PAG1: variants seen among roughly 807,000 people sequenced by gnomAD.
PAG1 encodes the protein phosphoprotein associated with glycosphingolipid-enriched microdomains 1.
A neutral mutation model predicts 31.7 loss-of-function variants in PAG1; 23 were observed. That is an observed-to-expected ratio of 0.73 (90% confidence interval 0.52 to 1.03). The LOEUF (loss-of-function observed/expected upper bound fraction) is 1.03, where lower values mean the gene tolerates loss of function less well. Ranked by LOEUF, PAG1 falls within the 50% of genes least tolerant of loss-of-function variation. The probability of loss-of-function intolerance (pLI) is 0.00; values close to 1 mark genes in which losing one functional copy is unlikely to be tolerated. For synonymous variants in PAG1, 214 were observed against 210.3 expected (o/e 1.02, Z -0.15); for missense variants, 473 against 540.7 (o/e 0.87, Z 1.24).
chr8:80,985,394 A>G lies in PAG1; in HGVS notation c.275-17T>C. 3.2e-6 allele frequency: 5 copies of G among 1,577,672 alleles called. No homozygotes were observed. Among genetic ancestry groups the G allele is most frequent in the Non-Finnish European group, 4.3e-6 (5 of 1,158,798 alleles). On this transcript the variant is annotated splice_polypyrimidine_tract_variant and intron_variant, in intron 6 of 8. Coordinates refer to ENST00000220597, the MANE Select transcript of PAG1 (RefSeq NM_018440.4). ...CTGAAAGAACTAAAGCAGCACACAC[A>G]TTAAAAGCGGAGAAAGGCAAGTCTT...
chr8:81,031,962 G>A (rs564872873), intron 2 of PAG1, among the ~76,000 whole-genome samples: 88 of 152,260 alleles, frequency 5.8e-4, no homozygotes, highest in African/African-American at 2.0e-3. Flanking sequence ...ACTATTCAAC[G>A]GGGAAAGAAC....
At chr8:80,981,579 G>A (rs1169903492) in intron 7 of PAG1, among the ~76,000 whole-genome samples, 1 of 152,100 alleles carries the variant, frequency 6.6e-6, no homozygotes, top group African/African-American at 2.4e-5. Flanking sequence ...GAAGGAATCA[G>A]AAGAAATTTG....
At chr8:81,064,736 C>T (rs550929584) in intron 2 of PAG1, among the ~76,000 whole-genome samples, 2 of 152,106 alleles carry the variant, frequency 1.3e-5, no homozygotes, top group Non-Finnish European at 2.9e-5. Flanking sequence ...GTAGTTCTTA[C>T]GATCTTCTCA....
At chr8:80,983,055 TAAGCCA>T (rs1640128372) in intron 7 of PAG1, among the ~76,000 whole-genome samples, 1 of 152,208 alleles carries the variant, frequency 6.6e-6, no homozygotes, top group Non-Finnish European at 1.5e-5. Context: ...GTTCAGACTA[TAAGCCA>T]AGGCCATCCA....
At chr8:80,982,163 G>A (rs1807320398) in intron 7 of PAG1, among the ~76,000 whole-genome samples, 1 of 152,114 alleles carries the variant, frequency 6.6e-6, no homozygotes, top group Admixed American at 6.6e-5. Context: ...ACTGCGCCCA[G>A]CCTGTCTCAC....
At chr8:81,085,945 C>A (rs1809344102) in intron 1 of PAG1, among the ~76,000 whole-genome samples, 1 of 142,668 alleles carries the variant, frequency 7.0e-6, no homozygotes, top group African/African-American at 2.6e-5. Flanking sequence ...ATTCTTCTAG[C>A]AAGTAGTTAC....
chr8:81,030,772 C>T (rs1808366482), intron 2 of PAG1, among the ~76,000 whole-genome samples: 1 of 152,234 alleles, frequency 6.6e-6, no homozygotes, highest in Non-Finnish European at 1.5e-5. Flanking sequence ...CTCCTGCCCC[C>T]TTCCTCTCTA....
chr8:81,055,703 TA>T (rs1382472014), intron 2 of PAG1, among the ~76,000 whole-genome samples: 9 of 152,290 alleles, frequency 5.9e-5, no homozygotes, highest in Non-Finnish European at 1.3e-4. Context: ...CTAGGTATTT[TA>T]TTCTCTTTGA....
chr8:81,025,575 G>A (rs1055377105), intron 3 of PAG1, among the ~76,000 whole-genome samples: 2 of 152,110 alleles, frequency 1.3e-5, no homozygotes, highest in African/African-American at 2.4e-5. Flanking sequence ...CTACACCACC[G>A]TGCCCAGGGC....
At chr8:81,095,800 G>A (rs1322578053) in intron 1 of PAG1, among the ~76,000 whole-genome samples, 1 of 152,178 alleles carries the variant, frequency 6.6e-6, no homozygotes, top group African/African-American at 2.4e-5. Context: ...GCCAGCCTTG[G>A]CAAGGTTCTC....
Position 81,104,318 on chromosome 8 carries a change from A to G in PAG1, c.-234+7273T>C, listed in dbSNP as rs1026711899. Reference sequence around the variant, plus strand: ...GCCACTTTGTGTCCAAGCACTTGTCAAAAACTTCTCTTGCTTAATCTTACT... The same window carrying G: ...GCCACTTTGTGTCCAAGCACTTGTCGAAAACTTCTCTTGCTTAATCTTACT... On this transcript the variant is annotated intron_variant, in intron 1 of 8. Transcript: ENST00000220597. Among the ~76,000 whole-genome samples, 3 of 151,798 alleles carry G rather than the reference A, an allele frequency of 2.0e-5. No homozygotes were observed. In the East Asian group the frequency reaches 5.8e-4, roughly 29 times the overall value.
intron 2 of PAG1, among the ~76,000 whole-genome samples, chr8:81,040,057 T>A (rs1808528523): frequency 1.3e-5 from 2 of 152,210 alleles, no homozygotes; most frequent in African/African-American, 4.8e-5. Flanking sequence ...ATATGCTACA[T>A]CACTTATTTT....
chr8:80,984,409 G>C (rs1807371179), intron 7 of PAG1, among the ~76,000 whole-genome samples: 1 of 152,106 alleles, frequency 6.6e-6, no homozygotes, highest in South Asian at 2.1e-4. Flanking sequence ...GAAGGGGAAA[G>C]GTCACCATGC....
intron 1 of PAG1, among the ~76,000 whole-genome samples, chr8:81,080,215 T>C (rs1004509811): frequency 6.6e-6 from 1 of 152,186 alleles, no homozygotes; most frequent in Non-Finnish European, 1.5e-5. Flanking sequence ...GAAGGAGATA[T>C]ATTCTAGTTC....
At chr8:81,105,157 T>C (rs1236985874) in intron 1 of PAG1, among the ~76,000 whole-genome samples, 1 of 152,140 alleles carries the variant, frequency 6.6e-6, no homozygotes, top group African/African-American at 2.4e-5. Flanking sequence ...GTCATCCCCT[T>C]GGAGTCAGGC....
At chr8:81,045,980 A>G (rs891282233) in intron 2 of PAG1, among the ~76,000 whole-genome samples, 2 of 152,208 alleles carry the variant, frequency 1.3e-5, no homozygotes, top group Non-Finnish European at 2.9e-5. Flanking sequence ...ACTCGACCTC[A>G]CAACTTTCCT....
At chr8:81,049,303 T>A (rs1235012893) in intron 2 of PAG1, among the ~76,000 whole-genome samples, 2 of 152,346 alleles carry the variant, frequency 1.3e-5, no homozygotes, top group East Asian at 3.9e-4. Context: ...CAGCTTCTCA[T>A]TTACTTACAT....
At chr8:81,099,490 A>G (rs1809577769) in intron 1 of PAG1, among the ~76,000 whole-genome samples, 1 of 152,194 alleles carries the variant, frequency 6.6e-6, no homozygotes, top group South Asian at 2.1e-4. Flanking sequence ...TCCGATAACT[A>G]AGAGTCCCTG....
intron 1 of PAG1, among the ~76,000 whole-genome samples, chr8:81,082,278 A>AG (rs1476320080): frequency 1.3e-5 from 2 of 151,228 alleles, no homozygotes; most frequent in Admixed American, 6.6e-5. Context: ...AAAAAAGAAA[A>AG]GAAAAAAAAA....
Sources: gnomAD v4.1 joint callset for allele counts (sites outside exome capture counted in the v4.1 genomes callset) on GRCh38, gnomAD v4.1.1 for gene constraint, MANE v1.5 for transcripts, NCBI Gene and HGNC (gene_info 2026-07-23, HGNC 2026-07-21) for gene names.